CREB3L4: variants seen among roughly 807,000 people sequenced by gnomAD.
The protein encoded by CREB3L4 is cyclic AMP-responsive element-binding protein 3-like protein 4.
A neutral mutation model predicts 37.0 loss-of-function variants in CREB3L4; 28 were observed. The observed-to-expected ratio is 0.76, with a 90% confidence interval of 0.56 to 1.04. The LOEUF is 1.04. Ranked by LOEUF, CREB3L4 falls within the 50% of genes least tolerant of loss-of-function variation. The pLI, the probability that CREB3L4 is intolerant of heterozygous loss-of-function variation, is 0.00. For missense variants in CREB3L4, 462 were observed against 486.0 expected, an observed-to-expected ratio of 0.95 and a Z score of 0.46; for synonymous variants, 175 against 192.2, an observed-to-expected ratio of 0.91 and a Z score of 0.74.
At chr1:153,973,492 C>A (rs773546792) in intron 8 of CREB3L4, 28 bp downstream of exon 8, 2 of 1,595,458 alleles carry the variant, frequency 1.3e-6, no homozygotes, top group South Asian at 1.1e-5. Context: ...ACTCCCATCT[C>A]CCCCCACACT....
Position 153,974,175 on chromosome 1 carries a change from A to G in CREB3L4, c.*110A>G, listed in dbSNP as rs554269402. 4.2e-4 allele frequency: 430 copies of G among 1,022,606 alleles called. 4 individuals carry two copies. The African/African-American group carries it at 6.5e-3, about 15-fold the overall frequency. 63.3% of individuals were successfully genotyped at this position (1,022,606 alleles called of 1,614,324 possible). ...CTTAGGTGTCTGCCCTCAGGGGTCC[A>G]AATCACTTCAGGACACCCCAAGAGA... On this transcript the variant is annotated 3_prime_UTR_variant, in exon 10 of 10. Coordinates refer to ENST00000368607, the MANE Select transcript of CREB3L4 (RefSeq NM_001255978.2).
In CREB3L4 at chr1:153,968,830, C is replaced by T. The variant is rs919716550; in HGVS notation, c.175-100C>T. 60 of 1,521,922 alleles carry T rather than the reference C, an allele frequency of 3.9e-5. No homozygotes were observed. In the African/African-American group the frequency reaches 7.5e-4, roughly 19 times the overall value. The allele number at this position is 1,521,922 out of a possible 1,614,324, so 94.3% of individuals were successfully genotyped here. On this transcript the variant is annotated intron_variant, in intron 2 of 9. Coordinates refer to ENST00000368607, the MANE Select transcript of CREB3L4 (RefSeq NM_001255978.2). ...TAGACGTAAGTTGTATAATAACTGTCTCCATGCCCAAGAAGTGAAAGGACT... is the reference window on the plus strand; with the variant it reads ...TAGACGTAAGTTGTATAATAACTGTTTCCATGCCCAAGAAGTGAAAGGACT...
intron 8 of CREB3L4, 25 bp from the exon 9 acceptor site, chr1:153,973,595 A>G (rs747746218): frequency 3.1e-6 from 5 of 1,600,964 alleles, no homozygotes; most frequent in Non-Finnish European, 3.4e-6. Context: ...TGCTCCCTTC[A>G]TCTGTTCCTC....
chr1:153,973,164 C>T, intron 6 of CREB3L4, 31 bp from the exon 7 acceptor site: 1 of 1,613,390 alleles, frequency 6.2e-7, no homozygotes, highest in South Asian at 1.1e-5. Flanking sequence ...ACTCAGGTTG[C>T]TGAGCCTTGT....
chr1:153,969,466 G>T lies in CREB3L4; in HGVS notation c.543+11G>T, dbSNP rs199511583. 2.1e-4 allele frequency: 332 copies of T among 1,613,802 alleles called. No homozygotes were observed. The African/African-American group carries it at 3.6e-3, about 18-fold the overall frequency. ...CCCTGTACAACCCTGGTGAGTCTTG[G>T]TGTCAGCCAGAACCACTACTCCTTG... On this transcript the variant is annotated intron_variant, in intron 4 of 9. Transcript: ENST00000368607.
rs759564547 is a variant in CREB3L4 at position 153,969,448 on chromosome 1, C to A, written c.536C>A (p.Thr179Lys). 1.4e-5 allele frequency: 22 copies of A among 1,614,134 alleles called. No individual in the cohort carries two copies. The highest frequency in any genetic ancestry group is 1.7e-4 in the Middle Eastern group (1 of 6,050). The change falls in exon 4 of 10, where the codon ACA (threonine) becomes AAA (lysine). Residue 179 changes from threonine (T) to lysine (K), a missense_variant. Coordinates refer to ENST00000368607, the MANE Select transcript of CREB3L4 (RefSeq NM_001255978.2). Reference sequence around the variant, plus strand: ...GGCACCGTAGCCCCAGTGCCCTGTACAACCCTGGTGAGTCTTGGTGTCAGC... The same window carrying A: ...GGCACCGTAGCCCCAGTGCCCTGTAAAACCCTGGTGAGTCTTGGTGTCAGC... Reference protein sequence around the residue: ...RAGTVAPVPCTTLLPCQTLFL... With the variant: ...RAGTVAPVPCKTLLPCQTLFL...
intron 7 of CREB3L4, 42 bp downstream of exon 7, chr1:153,973,305 G>C (rs1172080955): frequency 6.2e-7 from 1 of 1,610,504 alleles, no homozygotes; most frequent in Non-Finnish European, 8.5e-7. Context: ...TTTGAAGGCA[G>C]GTACAGCACA....
chr1:153,972,417 G>A (rs562904830), intron 4 of CREB3L4, among the ~76,000 whole-genome samples: 1 of 152,350 alleles, frequency 6.6e-6, no homozygotes, highest in African/African-American at 2.4e-5. Context: ...TCACTGTAGT[G>A]AGTTCTTTCA....
At chr1:153,972,890 G>C in intron 5 of CREB3L4, 54 bp downstream of exon 5, 1 of 1,602,918 alleles carries the variant, frequency 6.2e-7, no homozygotes, top group Non-Finnish European at 8.5e-7. Context: ...CATGACCTCT[G>C]AGGGGCCAAT....
chr1:153,967,773 AT>A (rs1423672208), upstream of CREB3L4: 1 of 152,160 alleles, frequency 6.6e-6, no homozygotes, highest in African/African-American at 2.4e-5. Flanking sequence ...GTAGTGTGCC[AT>A]TGGCTCGATG....
Position 153,974,057 on chromosome 1 carries a change from G to C in CREB3L4, c.1180G>C (p.Glu394Gln). 6.2e-7 allele frequency: 1 copy of C among 1,613,428 alleles called. No individual in the cohort carries two copies. Among genetic ancestry groups the C allele is most frequent in the Non-Finnish European group, 8.5e-7 (1 of 1,179,870 alleles). ...CATCCGGTCCGTGCTGCATGCAGAT[G>C]AGATGTGAGCTGGAACAGACCTTCC... Reference protein sequence around the residue: ...GRIRSVLHADEM With the variant: ...GRIRSVLHADQM The change falls in exon 10 of 10, where the codon GAG (glutamate) becomes CAG (glutamine). Residue 394 changes from glutamate (E) to glutamine (Q), a missense_variant. Physicochemically the swap from Glu to Gln is conservative, Grantham distance 29. Transcript: ENST00000368607.
chr1:153,973,760 G>C (rs1338351429), intron 9 of CREB3L4, 44 bp downstream of exon 9: 1 of 1,554,266 alleles, frequency 6.4e-7, no homozygotes, highest in Non-Finnish European at 8.8e-7. Context: ...GAGCAAGGGA[G>C]GGGGACTCTG....
intron 2 of CREB3L4, 30 bp downstream of exon 2, chr1:153,968,729 G>T (rs772120740): frequency 1.2e-6 from 2 of 1,612,828 alleles, no homozygotes. Context: ...GTGGGGGTGG[G>T]GTTGAGACAC....
chr1:153,967,818 C>G (rs1647907231), upstream of CREB3L4: 1 of 152,140 alleles, frequency 6.6e-6, no homozygotes, highest in African/African-American at 2.4e-5. Flanking sequence ...CTTCAGCTTC[C>G]AATCAGGACT....
intron 4 of CREB3L4, among the ~76,000 whole-genome samples, chr1:153,970,512 C>T (rs1275179943): frequency 6.6e-6 from 1 of 152,170 alleles, no homozygotes; most frequent in Non-Finnish European, 1.5e-5. Flanking sequence ...CAGGAGGCAC[C>T]CACTGGCTAG....
At chr1:153,969,309 C>T (rs1281051090) in intron 3 of CREB3L4, 25 bp from the exon 4 acceptor site, 3 of 1,614,230 alleles carry the variant, frequency 1.9e-6, no homozygotes, top group Non-Finnish European at 1.7e-6. Context: ...TCTCCTTTCT[C>T]CCAGCTACCT....
chr1:153,971,962 A>T (rs1405511388), intron 4 of CREB3L4, among the ~76,000 whole-genome samples: 2 of 152,060 alleles, frequency 1.3e-5, no homozygotes, highest in African/African-American at 4.8e-5. Context: ...AGCTGGGATT[A>T]CAAGCACCCA....
chr1:153,972,678 T>C (rs1176831185), intron 4 of CREB3L4, 66 bp from the exon 5 acceptor site: 1 of 1,308,742 alleles, frequency 7.6e-7, no homozygotes, highest in Non-Finnish European at 1.1e-6. Flanking sequence ...GGGAGTAGCC[T>C]GGGTGCTGCA....
chr1:153,973,703 C>T lies in CREB3L4; in HGVS notation c.981C>T (p.Tyr327=). 6.2e-7 allele frequency: 1 copy of T among 1,601,344 alleles called. No homozygotes were observed. Among genetic ancestry groups the T allele is most frequent in the South Asian group, 1.1e-5 (1 of 89,476 alleles). Residue 327 remains tyrosine (Y), a synonymous_variant, in exon 9 of 10, where the codon TAC becomes TAT. Transcript: ENST00000368607. ...GACCAGAAGCTGGGTCTGAGGATTA[C>T]CAGCCTCACGGAGGTGAGAGGCAAG... The part of the protein sequence containing the change: ...QSRPEAGSED[Y]QPHGVTSRNI...
Sources: gnomAD v4.1 joint callset for allele counts (sites outside exome capture counted in the v4.1 genomes callset) on GRCh38, gnomAD v4.1.1 for gene constraint, MANE v1.5 for transcripts, NCBI Gene and HGNC (gene_info 2026-07-23, HGNC 2026-07-21) for gene names.